CLOCK: variants seen among roughly 807,000 people sequenced by gnomAD.
CLOCK encodes the protein circadian locomoter output cycles protein kaput.
CLOCK carries 43 observed loss-of-function variants against 118.4 expected under a neutral mutation model. The ratio of observed to expected loss-of-function variants is 0.36; its 90% CI spans 0.28 to 0.47. CLOCK has a LOEUF of 0.47. CLOCK is among the 20% of genes least tolerant of loss of function. The pLI is 1.00. For missense variants in CLOCK, 846 were observed against 999.9 expected, an observed-to-expected ratio of 0.85 and a Z score of 2.08; for synonymous variants, 326 against 339.2, an observed-to-expected ratio of 0.96 and a Z score of 0.43.
At chr4:55,448,657 C>A in intron 18 of CLOCK, 122 bp downstream of exon 18, 49 of 532,366 alleles carry the variant, frequency 9.2e-5, no homozygotes, top group East Asian at 1.3e-4. Flanking sequence ...CCTACCTCAG[C>A]CTCCCAAGTA....
rs191098241 is a variant in CLOCK at position 55,538,467 on chromosome 4, T to A, written c.-290+8315A>T. 1.5e-3 allele frequency among the ~76,000 whole-genome samples: 233 copies of A among 152,252 alleles called. 1 individual carries two copies. The highest frequency in any genetic ancestry group is 1.6e-3 in the Admixed American group (25 of 15,288). On this transcript the variant is annotated intron_variant, in intron 1 of 22. Transcript: ENST00000513440. ...ATGTAAAATTAAGAACACAAAAGAT[T>A]ATTTTGACAAAAAGAGAAGATAGTT...
chr4:55,500,846 T>C (rs959642746), intron 2 of CLOCK, among the ~76,000 whole-genome samples: 6 of 152,128 alleles, frequency 3.9e-5, no homozygotes, highest in African/African-American at 7.2e-5. Flanking sequence ...TTCTGTTTGT[T>C]TGTCTGTTTT....
At chr4:55,490,848 C>T (rs1373202936) in intron 2 of CLOCK, among the ~76,000 whole-genome samples, 1 of 152,102 alleles carries the variant, frequency 6.6e-6, no homozygotes, top group African/African-American at 2.4e-5. Flanking sequence ...ATGGACCTAA[C>T]AGACATACAC....
At chr4:55,442,165 C>A in intron 21 of CLOCK, 2 of 418,330 alleles carry the variant, frequency 4.8e-6, no homozygotes, top group Non-Finnish European at 8.7e-6. Flanking sequence ...TGTCATAAAC[C>A]TTTTCTAACA....
chr4:55,495,827 C>T (rs1728032197), intron 2 of CLOCK, among the ~76,000 whole-genome samples: 1 of 152,074 alleles, frequency 6.6e-6, no homozygotes, highest in South Asian at 2.1e-4. Flanking sequence ...TAAGCCCTCT[C>T]TCACAAACTG....
intron 18 of CLOCK, among the ~76,000 whole-genome samples, chr4:55,447,547 C>G (rs1723968970): frequency 6.6e-6 from 1 of 151,972 alleles, no homozygotes; most frequent in Non-Finnish European, 1.5e-5. Flanking sequence ...AACCACAGAC[C>G]TAAGAGGCAA....
At chr4:55,442,717 A>G (rs1723472596) in intron 20 of CLOCK, 83 bp from the exon 21 acceptor site, 12 of 1,123,208 alleles carry the variant, frequency 1.1e-5, no homozygotes, top group Non-Finnish European at 1.4e-5. Context: ...CATTCTAACA[A>G]TATGACAATA....
chr4:55,457,987 C>A (rs978907217), intron 11 of CLOCK, among the ~76,000 whole-genome samples: 1 of 152,102 alleles, frequency 6.6e-6, no homozygotes, highest in African/African-American at 2.4e-5. Flanking sequence ...ATGTTAACAA[C>A]TATTATTTCA....
Position 55,432,928 on chromosome 4 carries a change from G to A in CLOCK, c.*2487C>T, listed in dbSNP as rs1169244482. ...AGTAAACAGTTTAGACGTTTACCTG[G>A]GGCTTGTCTTATGCTTTGTTGCTGT... On this transcript the variant is annotated 3_prime_UTR_variant, in exon 23 of 23. Transcript: ENST00000513440. 1.3e-5 allele frequency: 2 copies of A among 152,570 alleles called. No individual in the cohort carries two copies. The highest frequency in any genetic ancestry group is 4.8e-5 in the African/African-American group (2 of 41,436). 9.5% of individuals were successfully genotyped at this position (152,570 alleles called of 1,614,324 possible).
chr4:55,493,142 A>G (rs1388445836), intron 2 of CLOCK, among the ~76,000 whole-genome samples: 1 of 152,092 alleles, frequency 6.6e-6, no homozygotes, highest in Non-Finnish European at 1.5e-5. Context: ...GAGGCAAATA[A>G]GATAAAACAC....
rs892167947 is a variant in CLOCK at position 55,431,402 on chromosome 4, T to C, written c.*4013A>G. The C allele has an allele frequency of 6.6e-6, 1 of 152,222 alleles. No individual in the cohort carries two copies. 9.4% of individuals were successfully genotyped at this position (152,222 alleles called of 1,614,324 possible). The stretch of plus-strand genomic sequence containing the variant: ...TATACTATAAAAATAGTCGATTCTA[T>C]TCCTTTGCAATTACTTCAGAAGCTC... On this transcript the variant is annotated 3_prime_UTR_variant, in exon 23 of 23. Transcript: ENST00000513440.
chr4:55,431,139 C>CTG lies in CLOCK; in HGVS notation c.*4274_*4275dup, dbSNP rs1252639457. On this transcript the variant is annotated 3_prime_UTR_variant, in exon 23 of 23. Coordinates refer to ENST00000513440, the MANE Select transcript of CLOCK (RefSeq NM_004898.4). ...TACATTTCAAAATGATGCTTTTAGA[C>CTG]TGTGGTATGTTGTTTTAAAAGTGTG... 6.6e-6 allele frequency: 1 copy of CTG among 152,110 alleles called. No individual in the cohort carries two copies. Among genetic ancestry groups the CTG allele is most frequent in the Non-Finnish European group, 1.5e-5 (1 of 68,012 alleles). 9.4% of individuals were successfully genotyped at this position (152,110 alleles called of 1,614,324 possible).
At chr4:55,536,634 A>G (rs1730918509) in intron 1 of CLOCK, among the ~76,000 whole-genome samples, 1 of 152,216 alleles carries the variant, frequency 6.6e-6, no homozygotes, top group African/African-American at 2.4e-5. Context: ...TGCTTCCTAT[A>G]CACTTTGGAG....
chr4:55,469,469 T>C (rs992788672), intron 8 of CLOCK, among the ~76,000 whole-genome samples: 13 of 152,164 alleles, frequency 8.5e-5, no homozygotes, highest in Non-Finnish European at 1.9e-4. Flanking sequence ...AAAAGGGCAC[T>C]GTTATTACAG....
rs1422424688 is a variant in CLOCK at position 55,529,356 on chromosome 4, CATT to C, written c.-290+17423_-290+17425del. On this transcript the variant is annotated intron_variant, in intron 1 of 22. Coordinates refer to ENST00000513440, the MANE Select transcript of CLOCK (RefSeq NM_004898.4). ...TAATTTTCTTGTAGAGATGGGGTCT[CATT>C]ATGTTGCCTAGGCTAGTCTCAAACT... is the stretch of plus-strand genomic sequence containing the variant. 1.3e-4 allele frequency among the ~76,000 whole-genome samples: 20 copies of C among 152,100 alleles called. No individual in the cohort carries two copies. In the East Asian group the frequency reaches 3.1e-3, roughly 24 times the overall value.
intron 1 of CLOCK, among the ~76,000 whole-genome samples, chr4:55,516,597 G>A (rs1729530590): frequency 6.6e-6 from 1 of 152,130 alleles, no homozygotes; most frequent in Admixed American, 6.6e-5. Context: ...TATATTTAAA[G>A]TGGGTTTTTT....
chr4:55,511,998 G>A (rs566593951), intron 1 of CLOCK, among the ~76,000 whole-genome samples: 3 of 151,258 alleles, frequency 2.0e-5, no homozygotes, highest in South Asian at 2.1e-4. Flanking sequence ...CAGTTTATCC[G>A]CTCACATAAT....
intron 2 of CLOCK, among the ~76,000 whole-genome samples, chr4:55,498,757 A>C (rs539881041): frequency 6.6e-6 from 1 of 152,246 alleles, no homozygotes; most frequent in African/African-American, 2.4e-5. Flanking sequence ...TGCATCACGT[A>C]AGTAGGAGTA....
intron 22 of CLOCK, among the ~76,000 whole-genome samples, chr4:55,436,039 G>A (rs914547921): frequency 2.6e-5 from 4 of 152,170 alleles, no homozygotes; most frequent in Non-Finnish European, 5.9e-5. Context: ...AGCGTGGTGG[G>A]CCCTGAGGTA....
Sources: gnomAD v4.1 joint callset for allele counts (sites outside exome capture counted in the v4.1 genomes callset) on GRCh38, gnomAD v4.1.1 for gene constraint, MANE v1.5 for transcripts, NCBI Gene and HGNC (gene_info 2026-07-23, HGNC 2026-07-21) for gene names.